THADA: variants seen among roughly 807,000 people sequenced by gnomAD.
The protein encoded by THADA is THADA armadillo repeat containing, also known as tRNA (32-2'-O)-methyltransferase regulator THADA.
A neutral mutation model predicts 219.8 loss-of-function variants in THADA; 213 were observed. That is an observed-to-expected ratio of 0.97 (90% CI 0.87 to 1.09). The LOEUF (loss-of-function observed/expected upper bound fraction) is 1.09, where lower values mean the gene tolerates loss of function less well. THADA is among the 50% of genes least tolerant of loss of function. The pLI is 0.00. For missense variants in THADA, 2,956 were observed against 2,311.3 expected (o/e 1.28, Z -5.72); for synonymous variants, 1,018 against 828.9 (o/e 1.23, Z -3.92).
chr2:43,274,459 G>A (rs758702678), intron 36 of THADA, among the ~76,000 whole-genome samples: 1 of 152,182 alleles, frequency 6.6e-6, no homozygotes, highest in Non-Finnish European at 1.5e-5. Context: ...AGCACCCACT[G>A]TGTACCTAAT....
At chr2:43,402,864 C>T (rs1383627920) in intron 28 of THADA, among the ~76,000 whole-genome samples, 1 of 152,112 alleles carries the variant, frequency 6.6e-6, no homozygotes, top group African/African-American at 2.4e-5. Context: ...TGGGGAGAGG[C>T]GGCGGAGAGG....
chr2:43,486,192 C>A (rs931890009), intron 25 of THADA, among the ~76,000 whole-genome samples: 2 of 152,094 alleles, frequency 1.3e-5, no homozygotes, highest in Non-Finnish European at 2.9e-5. Context: ...CTTCACAATG[C>A]AAGTAACTTA....
intron 28 of THADA, 83 bp from the exon 29 acceptor site, chr2:43,398,222 T>A (rs2104715963): frequency 6.9e-7 from 1 of 1,449,280 alleles, no homozygotes; most frequent in East Asian, 2.3e-5. Context: ...CTATCTAGCA[T>A]GGCCTGGAAC....
rs1385833030 is a variant in THADA at position 43,260,374 on chromosome 2, A to G, written c.5296+19391T>C. 2.6e-5 allele frequency among the ~76,000 whole-genome samples: 4 copies of G among 152,126 alleles called. No homozygotes were observed. In the East Asian group the frequency reaches 7.7e-4, roughly 29 times the overall value. On this transcript the variant is annotated intron_variant, in intron 36 of 37. Coordinates refer to ENST00000405975, the MANE Select transcript of THADA (RefSeq NM_022065.5). Reference sequence around the variant, plus strand: ...TGTTCACATCTTTTTTCTTCTACAGAGTGCTCGGTTTTTATCTTTTGCCTC... The same window carrying G: ...TGTTCACATCTTTTTTCTTCTACAGGGTGCTCGGTTTTTATCTTTTGCCTC...
At chr2:43,240,016 G>A (rs918226357) in intron 36 of THADA, among the ~76,000 whole-genome samples, 5 of 152,244 alleles carry the variant, frequency 3.3e-5, no homozygotes, top group Non-Finnish European at 7.3e-5. Flanking sequence ...TGACCCACAC[G>A]AAGTGTGACG....
In THADA at chr2:43,581,906, T is replaced by A; in HGVS notation, c.556A>T (p.Ile186Phe). Residue 186 changes from isoleucine (I) to phenylalanine (F), a missense_variant, in exon 8 of 38, where the codon ATT becomes TTT. Ile to Phe is a conservative substitution (Grantham distance 21). Transcript: ENST00000405975. ...ENRKCAGNHIIQTQLMNDLLV... is the reference protein window; with the variant it reads ...ENRKCAGNHIFQTQLMNDLLV... ...AAGTCATTCATCAACTGTGTTTGAA[T>A]AATATGATTTCCAGCACATTTTCTA... is the stretch of plus-strand genomic sequence containing the variant. The A allele has an allele frequency of 2.6e-6, 4 of 1,548,462 alleles. No homozygotes were observed. The highest frequency in any genetic ancestry group is 3.5e-6 in the Non-Finnish European group (4 of 1,153,830).
chr2:43,537,895 G>T (rs1366347640), intron 21 of THADA, among the ~76,000 whole-genome samples: 1 of 142,918 alleles, frequency 7.0e-6, no homozygotes, highest in East Asian at 2.1e-4. Context: ...AGTCAAAATG[G>T]AACCACAGCA....
At chr2:43,269,124 G>A (rs897343470) in intron 36 of THADA, among the ~76,000 whole-genome samples, 4 of 152,192 alleles carry the variant, frequency 2.6e-5, no homozygotes, top group African/African-American at 7.2e-5. Flanking sequence ...CCGAGGCCAC[G>A]AGCTGGAGAA....
At chr2:43,498,573 C>G (rs898459700) in intron 25 of THADA, among the ~76,000 whole-genome samples, 10 of 151,476 alleles carry the variant, frequency 6.6e-5, no homozygotes, top group African/African-American at 2.4e-4. Context: ...AGTCTGTGAT[C>G]AGTCAAACAT....
At chr2:43,248,186 G>T (rs1256988361) in intron 36 of THADA, among the ~76,000 whole-genome samples, 137 of 122,316 alleles carry the variant, frequency 1.1e-3, no homozygotes, top group African/African-American at 2.8e-3. Flanking sequence ...GAGAGAGAGA[G>T]AGAGAGAGAG....
chr2:43,455,122 C>A (rs1048829073), intron 26 of THADA, among the ~76,000 whole-genome samples: 66 of 152,138 alleles, frequency 4.3e-4, no homozygotes, highest in African/African-American at 1.6e-3. Context: ...GCCTGATAAT[C>A]CTCTAATCTT....
chr2:43,414,680 C>T (rs1329884751), intron 28 of THADA, among the ~76,000 whole-genome samples: 1 of 152,100 alleles, frequency 6.6e-6, no homozygotes, highest in African/African-American at 2.4e-5. Flanking sequence ...AAAACATGCC[C>T]CAAATGAACA....
At chr2:43,302,846 GT>G (rs1676422615) in intron 31 of THADA, among the ~76,000 whole-genome samples, 1 of 152,064 alleles carries the variant, frequency 6.6e-6, no homozygotes, top group Non-Finnish European at 1.5e-5. Flanking sequence ...GAGCCCAGGA[GT>G]TTGAAGCTAC....
At chr2:43,275,814 T>A (rs146214241) in intron 36 of THADA, among the ~76,000 whole-genome samples, 298 of 152,376 alleles carry the variant, frequency 2.0e-3, no homozygotes, top group African/African-American at 7.0e-3. Flanking sequence ...CCTCTCCTGC[T>A]GCTCTCATCC....
intron 22 of THADA, 35 bp from the exon 23 acceptor site, chr2:43,508,815 G>C (rs1175330635): frequency 3.1e-6 from 5 of 1,605,594 alleles, no homozygotes; most frequent in South Asian, 2.2e-5. Flanking sequence ...TTCGGAATTA[G>C]GTATCAAAGT....
At position 43,348,073 on chromosome 2, in the gene THADA, T is replaced by C. The variant is rs553590457; in HGVS notation, c.4228-3836A>G. On this transcript the variant is annotated intron_variant, in intron 29 of 37. Coordinates refer to ENST00000405975, the MANE Select transcript of THADA (RefSeq NM_022065.5). ...GTTGAAACCAGCGGCTCAAAACCAA[T>C]AGCCTTTGGGCCAAAAGTGGCTGCA... is the stretch of plus-strand genomic sequence containing the variant. 2.6e-5 allele frequency among the ~76,000 whole-genome samples: 4 copies of C among 152,308 alleles called. No homozygotes were observed. In the East Asian group the frequency reaches 7.7e-4, roughly 29 times the overall value.
chr2:43,346,356 A>G (rs1184692903), intron 29 of THADA, among the ~76,000 whole-genome samples: 1 of 152,222 alleles, frequency 6.6e-6, no homozygotes, highest in South Asian at 2.1e-4. Context: ...AGGTCCAGGT[A>G]TAAGGCCAGG....
chr2:43,477,288 G>C (rs967755790), intron 26 of THADA, among the ~76,000 whole-genome samples: 11 of 152,002 alleles, frequency 7.2e-5, no homozygotes, highest in African/African-American at 2.7e-4. Context: ...GAATCTCCAT[G>C]GTCAAATAAT....
At position 43,541,149 on chromosome 2, in the gene THADA, T is replaced by G; in HGVS notation, c.3264+10A>C. Reference sequence around the variant, plus strand: ...GAAATTATACATGGTGGAATAAACATGTGCCTTACCTGCTCCACCGTCAAT... The same window carrying G: ...GAAATTATACATGGTGGAATAAACAGGTGCCTTACCTGCTCCACCGTCAAT... On this transcript the variant is annotated intron_variant, in intron 21 of 37. Coordinates refer to ENST00000405975, the MANE Select transcript of THADA (RefSeq NM_022065.5). 7 of 1,528,622 alleles carry G rather than the reference T, an allele frequency of 4.6e-6. No homozygotes were observed. Among genetic ancestry groups the G allele is most frequent in the Non-Finnish European group, 6.1e-6 (7 of 1,144,136 alleles). 94.7% of individuals were successfully genotyped at this position (1,528,622 alleles called of 1,614,324 possible). A position where few individuals can be genotyped will look rare whatever the true frequency, so the allele number is the denominator to read the frequency against.
Sources: allele counts gnomAD v4.1 joint callset (sites outside exome capture counted in the v4.1 genomes callset), GRCh38; gene constraint gnomAD v4.1.1; transcripts MANE v1.5; gene names NCBI Gene and HGNC (gene_info 2026-07-23, HGNC 2026-07-21).